HS6ST3: variants seen among roughly 807,000 people sequenced by gnomAD.
HS6ST3 encodes heparan sulfate 6-O-sulfotransferase 3.
A neutral mutation model predicts 36.7 loss-of-function variants in HS6ST3; 12 were observed. That is an observed-to-expected ratio of 0.33 (90% CI 0.21 to 0.53). The LOEUF is 0.53. Ranked by LOEUF, HS6ST3 falls within the 20% of genes least tolerant of loss-of-function variation. The probability of loss-of-function intolerance (pLI) is 0.95; values close to 1 mark genes in which losing one functional copy is unlikely to be tolerated. For missense variants in HS6ST3, 584 were observed against 640.9 expected, an observed-to-expected ratio of 0.91 and a Z score of 0.96; for synonymous variants, 240 against 257.5, an observed-to-expected ratio of 0.93 and a Z score of 0.65.
intron 1 of HS6ST3, among the ~76,000 whole-genome samples, chr13:96,760,061 T>C (rs1876927929): frequency 6.6e-6 from 1 of 152,074 alleles, no homozygotes; most frequent in Admixed American, 6.5e-5. Context: ...ACAATGGTTG[T>C]ATGACATATC....
At chr13:96,619,878 A>G (rs992142231) in intron 1 of HS6ST3, among the ~76,000 whole-genome samples, 33 of 152,206 alleles carry the variant, frequency 2.2e-4, no homozygotes, top group African/African-American at 7.7e-4. Context: ...CCCCAGCAAC[A>G]TATCAGTGGC....
At chr13:96,127,728 T>C (rs1413521121) in intron 1 of HS6ST3, among the ~76,000 whole-genome samples, 1 of 152,230 alleles carries the variant, frequency 6.6e-6, no homozygotes, top group African/African-American at 2.4e-5. Flanking sequence ...TAGATATATG[T>C]CCTTAGTTCT....
intron 1 of HS6ST3, among the ~76,000 whole-genome samples, chr13:96,537,159 A>G (rs765409290): frequency 6.6e-6 from 1 of 152,184 alleles, no homozygotes; most frequent in Non-Finnish European, 1.5e-5. Context: ...CCTCATAATC[A>G]TGGTGGATGG....
chr13:96,113,965 G>T (rs1438013836), intron 1 of HS6ST3, among the ~76,000 whole-genome samples: 2 of 151,964 alleles, frequency 1.3e-5, no homozygotes, highest in Non-Finnish European at 2.9e-5. Flanking sequence ...TAATTATGAA[G>T]AGCCGCGTAT....
At chr13:96,827,650 C>T (rs1402758163) in intron 1 of HS6ST3, among the ~76,000 whole-genome samples, 1 of 152,122 alleles carries the variant, frequency 6.6e-6, no homozygotes, top group Admixed American at 6.5e-5. Flanking sequence ...TCAAGTTGTA[C>T]CCCCTTGGCT....
intron 1 of HS6ST3, among the ~76,000 whole-genome samples, chr13:96,381,844 A>C (rs1172855798): frequency 6.6e-6 from 1 of 152,142 alleles, no homozygotes; most frequent in Non-Finnish European, 1.5e-5. Flanking sequence ...CTGACACACA[A>C]CACCAGACAT....
At chr13:96,166,939 T>C (rs1162450560) in intron 1 of HS6ST3, among the ~76,000 whole-genome samples, 1 of 152,168 alleles carries the variant, frequency 6.6e-6, no homozygotes, top group African/African-American at 2.4e-5. Context: ...CCCCTTTTGC[T>C]CAGTGCTTCT....
In HS6ST3 at chr13:96,833,191, G is replaced by A. The variant is rs907243781; in HGVS notation, c.1409G>A (p.Arg470Lys). Residue 470 changes from arginine to lysine, a missense_variant, in exon 2 of 2, where the codon AGA becomes AAA. Arg to Lys is a conservative substitution (Grantham distance 26). Coordinates refer to ENST00000376705, the MANE Select transcript of HS6ST3 (RefSeq NM_153456.4). Reference sequence around the variant, plus strand: ...GAGGACTACAACAGCCAGGTGGTGAGATGGTGACCTCCTGCCCTCTCCTCT... The same window carrying A: ...GAGGACTACAACAGCCAGGTGGTGAAATGGTGACCTCCTGCCCTCTCCTCT... The part of the protein sequence containing the change: ...VTEDYNSQVV[R>K]W The A allele has an allele frequency of 3.2e-6, 5 of 1,556,976 alleles. No homozygotes were observed. The Admixed American group carries it at 9.2e-5, about 29-fold the overall frequency.
intron 1 of HS6ST3, among the ~76,000 whole-genome samples, chr13:96,270,228 G>C (rs1295152676): frequency 6.6e-6 from 1 of 151,794 alleles, no homozygotes; most frequent in East Asian, 1.9e-4. Flanking sequence ...CTGCCCATGA[G>C]CCAAGAGACT....
At chr13:96,226,366 C>T (rs2054480508) in intron 1 of HS6ST3, among the ~76,000 whole-genome samples, 1 of 152,008 alleles carries the variant, frequency 6.6e-6, no homozygotes, top group Non-Finnish European at 1.5e-5. Flanking sequence ...ACTAAAAATA[C>T]AAAATTAGCC....
intron 1 of HS6ST3, among the ~76,000 whole-genome samples, chr13:96,125,748 ATTTC>A (rs1472546422): frequency 6.6e-6 from 1 of 151,464 alleles, no homozygotes; most frequent in Non-Finnish European, 1.5e-5. Flanking sequence ...GACATTTCTT[ATTTC>A]TTTTTTCTTC....
intron 1 of HS6ST3, among the ~76,000 whole-genome samples, chr13:96,501,075 A>G (rs190681517): frequency 6.6e-6 from 1 of 152,144 alleles, no homozygotes; most frequent in Non-Finnish European, 1.5e-5. Flanking sequence ...CCACCTATCT[A>G]CTGACTATAA....
chr13:96,284,437 A>C (rs971364893), intron 1 of HS6ST3, among the ~76,000 whole-genome samples: 3 of 152,298 alleles, frequency 2.0e-5, no homozygotes, highest in Admixed American at 2.0e-4. Context: ...GATGATGTTC[A>C]AGGGCAGGAA....
chr13:96,207,159 A>G (rs1441106729), intron 1 of HS6ST3, among the ~76,000 whole-genome samples: 2 of 152,168 alleles, frequency 1.3e-5, no homozygotes, highest in Non-Finnish European at 2.9e-5. Context: ...ATAAATGGAC[A>G]CTTCTCAAAA....
intron 1 of HS6ST3, among the ~76,000 whole-genome samples, chr13:96,565,634 G>A (rs1454950812): frequency 6.6e-6 from 1 of 152,142 alleles, no homozygotes; most frequent in East Asian, 1.9e-4. Flanking sequence ...TAGTATACCA[G>A]AGACCAGGTG....
intron 1 of HS6ST3, among the ~76,000 whole-genome samples, chr13:96,326,379 C>A (rs908405903): frequency 7.8e-4 from 112 of 144,030 alleles, no homozygotes; most frequent in Non-Finnish European, 1.5e-3. Context: ...TTCCCGTGTC[C>A]ATGTGTTCTC....
In HS6ST3 at chr13:96,645,095, GT is replaced by G. The variant is rs1281290590; in HGVS notation, c.708-187393del. Among the ~76,000 whole-genome samples, 8 of 152,024 alleles carry G rather than the reference GT, an allele frequency of 5.3e-5. No individual in the cohort carries two copies. The East Asian group carries it at 1.4e-3, about 26-fold the overall frequency. On this transcript the variant is annotated intron_variant, in intron 1 of 1. Coordinates refer to ENST00000376705, the MANE Select transcript of HS6ST3 (RefSeq NM_153456.4). ...TTAAATAAATGTATTGCCTAATAGG[GT>G]TACTGGCATCAGAACATGGGTTAAC...
At chr13:96,152,579 C>T (rs1423127881) in intron 1 of HS6ST3, among the ~76,000 whole-genome samples, 3 of 152,004 alleles carry the variant, frequency 2.0e-5, no homozygotes, top group African/African-American at 7.2e-5. Flanking sequence ...CCTTGCGATC[C>T]GCCCGCCTTG....
rs183971244 is a variant in HS6ST3 at position 96,745,153 on chromosome 13, C to T, written c.708-87337C>T. On this transcript the variant is annotated intron_variant, in intron 1 of 1. Transcript: ENST00000376705. ...AGCTGAGTTCTGCTCCAATCTCTACCACTGCTCCTGCCATCCATGCAGCCA... is the reference window on the plus strand; with the variant it reads ...AGCTGAGTTCTGCTCCAATCTCTACTACTGCTCCTGCCATCCATGCAGCCA... Among the ~76,000 whole-genome samples, 22 of 152,184 alleles carry T rather than the reference C, an allele frequency of 1.4e-4. No homozygotes were observed. In the East Asian group the frequency reaches 4.1e-3, roughly 28 times the overall value.
Sources: allele counts gnomAD v4.1 joint callset (sites outside exome capture counted in the v4.1 genomes callset), GRCh38; gene constraint gnomAD v4.1.1; transcripts MANE v1.5; gene names NCBI Gene and HGNC (gene_info 2026-07-23, HGNC 2026-07-21).